EDF1: variants seen among roughly 807,000 people sequenced by gnomAD.
The protein encoded by EDF1 is endothelial differentiation-related factor 1.
EDF1 carries 5 observed loss-of-function variants against 20.8 expected under a neutral mutation model. The observed-to-expected ratio is 0.24, with a 90% CI of 0.13 to 0.51. The LOEUF (loss-of-function observed/expected upper bound fraction) is 0.51. Ranked by LOEUF, EDF1 falls within the 20% of genes least tolerant of loss-of-function variation. The pLI is 0.97. For synonymous variants in EDF1, 96 were observed against 78.5 expected (o/e 1.22, Z -1.18); for missense variants, 137 against 197.8 (o/e 0.69, Z 1.84).
At position 136,863,743 on chromosome 9, in the gene EDF1, G is replaced by A. The variant is rs544989273; in HGVS notation, c.130+77C>T. Reference sequence around the variant, plus strand: ...CTCAGCTGACAACGTCCCCGGGGGCGCCGCACACACCACACCCACCAGCAC... The same window carrying A: ...CTCAGCTGACAACGTCCCCGGGGGCACCGCACACACCACACCCACCAGCAC... On this transcript the variant is annotated intron_variant, in intron 2 of 4. Transcript: ENST00000224073. The surrounding 1 kb of genome is among the most constrained non-coding windows in gnomAD (Gnocchi z 4.5). 513 of 1,558,310 alleles carry A rather than the reference G, an allele frequency of 3.3e-4. 1 individual carries two copies. The African/African-American group carries it at 5.3e-3, about 16-fold the overall frequency.
rs1230868317 is a variant in EDF1, at chr9:136,863,149, G to A, written c.291+139C>T. ...TTTTGTGCGAGAGGCAGTGAGAGCC[G>A]GGCTGACCTGGCTTCCCGAGGCATT... On this transcript the variant is annotated intron_variant, in intron 3 of 4. Coordinates refer to ENST00000224073, the MANE Select transcript of EDF1 (RefSeq NM_003792.4). This position sits in a 1 kb window ranked among gnomAD's most constrained non-coding sequence, Gnocchi z 4.5. 37 of 1,508,212 alleles carry A rather than the reference G, an allele frequency of 2.5e-5. No homozygotes were observed. Among genetic ancestry groups the A allele is most frequent in the South Asian group, 6.0e-5 (5 of 83,250 alleles). 93.4% of individuals were successfully genotyped at this position (1,508,212 alleles called of 1,614,324 possible).
chr9:136,862,139 GT>G lies in EDF1; in HGVS notation c.*144del, dbSNP rs1849110624. 1 of 1,052,756 alleles carries G rather than the reference GT, an allele frequency of 9.5e-7. No homozygotes were observed. The highest frequency in any genetic ancestry group is 1.4e-5 in the South Asian group (1 of 71,056). 65.2% of individuals were successfully genotyped at this position (1,052,756 alleles called of 1,614,324 possible). A position where few individuals can be genotyped will look rare whatever the true frequency, so the allele number is the denominator to read the frequency against. ...CCCAGCGCTTTGCAAGGTTTTGTTTGTTTGACAGCAGGAATGGGCTGGGGAG... is the reference window on the plus strand; with the variant it reads ...CCCAGCGCTTTGCAAGGTTTTGTTTGTTGACAGCAGGAATGGGCTGGGGAG... On this transcript the variant is annotated 3_prime_UTR_variant, in exon 5 of 5. Transcript: ENST00000224073. This position sits in a 1 kb window ranked among gnomAD's most constrained non-coding sequence, Gnocchi z 4.1.
chr9:136,862,694 G>T lies in EDF1; in HGVS notation c.385+212C>A. ...GGGAACTGGCAAGGGGAAGGGACTC[G>T]GACTCCACTTGCTCTTAGGGGTTTC... On this transcript the variant is annotated intron_variant, in intron 4 of 4. Transcript: ENST00000224073. This position sits in a 1 kb window ranked among gnomAD's most constrained non-coding sequence, Gnocchi z 4.1. 6.7e-7 allele frequency: 1 copy of T among 1,499,408 alleles called. No individual in the cohort carries two copies. The highest frequency in any genetic ancestry group is 8.8e-7 in the Non-Finnish European group (1 of 1,131,608). 92.9% of individuals were successfully genotyped at this position (1,499,408 alleles called of 1,614,324 possible). A position where few individuals can be genotyped will look rare whatever the true frequency, so the allele number is the denominator to read the frequency against.
At position 136,863,015 on chromosome 9, in the gene EDF1, G is replaced by A. The variant is rs777089205; in HGVS notation, c.292-16C>T. On this transcript the variant is annotated splice_polypyrimidine_tract_variant and intron_variant, in intron 3 of 4. Coordinates refer to ENST00000224073, the MANE Select transcript of EDF1 (RefSeq NM_003792.4). This position sits in a 1 kb window ranked among gnomAD's most constrained non-coding sequence, Gnocchi z 4.5. ...CATTGATTTTCTAAAGAGAAGATGT[G>A]CTTTATACACATCAGCTCCACTAGG... 3.7e-6 allele frequency: 6 copies of A among 1,613,384 alleles called. No homozygotes were observed. Among genetic ancestry groups the A allele is most frequent in the Middle Eastern group, 1.7e-4 (1 of 5,828 alleles).
intron 1 of EDF1, among the ~76,000 whole-genome samples, chr9:136,864,971 G>GAT (rs1351087379): frequency 6.6e-6 from 1 of 152,192 alleles, no homozygotes; most frequent in Non-Finnish European, 1.5e-5. Flanking sequence ...TCCTAAGTGT[G>GAT]ATCTGCTCAC....
intron 1 of EDF1, among the ~76,000 whole-genome samples, chr9:136,865,243 C>G (rs1164143527): frequency 6.6e-6 from 1 of 152,096 alleles, no homozygotes. Flanking sequence ...AACTGACCCT[C>G]GGATCCATCA....
At chr9:136,866,035 GC>G in intron 1 of EDF1, 145 bp downstream of exon 1, 8 of 554,136 alleles carry the variant, frequency 1.4e-5, no homozygotes, top group East Asian at 4.5e-5. Flanking sequence ...ACCCCGTCCT[GC>G]CCCCGGCACC....
At chr9:136,864,792 T>G (rs1333352766) in intron 1 of EDF1, among the ~76,000 whole-genome samples, 2 of 151,654 alleles carry the variant, frequency 1.3e-5, no homozygotes, top group Non-Finnish European at 2.9e-5. Flanking sequence ...CCTGGCTAAT[T>G]TTTTGTATTT....
At position 136,863,272 on chromosome 9, in the gene EDF1, C is replaced by A; in HGVS notation, c.291+16G>T. The A allele has an allele frequency of 6.2e-7, 1 of 1,607,688 alleles. No homozygotes were observed. The highest frequency in any genetic ancestry group is 8.5e-7 in the Non-Finnish European group (1 of 1,177,704). ...AACCCACAACCCCAGGAGTGAGAGC[C>A]CCGGCGCAGCCTCACCGTGGCCAGG... On this transcript the variant is annotated intron_variant, in intron 3 of 4. Transcript: ENST00000224073. The surrounding 1 kb of genome is among the most constrained non-coding windows in gnomAD (Gnocchi z 4.5).
Position 136,863,857 on chromosome 9 carries a change from T to C in EDF1, c.93A>G (p.Ala31=), listed in dbSNP as rs1414739277. Residue 31 remains alanine, a synonymous_variant, in exon 2 of 5, where the codon GCA becomes GCG. Transcript: ENST00000224073. This position sits in a 1 kb window ranked among gnomAD's most constrained non-coding sequence, Gnocchi z 4.5. ...TCTCCACATCTTCTCCTCGTCTCTG[T>C]GCCGCTAAGATAGCCTAGAAAATTA... is the stretch of plus-strand genomic sequence containing the variant. The part of the protein sequence containing the change: ...QAKSKQAILA[A]QRRGEDVETS... The C allele has an allele frequency of 6.2e-7, 1 of 1,613,968 alleles. No homozygotes were observed. Among genetic ancestry groups the C allele is most frequent in the East Asian group, 2.2e-5 (1 of 44,890 alleles).
At position 136,862,713 on chromosome 9, in the gene EDF1, G is replaced by A. The variant is rs1406723944; in HGVS notation, c.385+193C>T. On this transcript the variant is annotated intron_variant, in intron 4 of 4. Transcript: ENST00000224073. The surrounding 1 kb of genome is among the most constrained non-coding windows in gnomAD (Gnocchi z 4.1). ...GGACTCGGACTCCACTTGCTCTTAGGGGTTTCCTGAGGCCTGCAGAGACCC... is the reference window on the plus strand; with the variant it reads ...GGACTCGGACTCCACTTGCTCTTAGAGGTTTCCTGAGGCCTGCAGAGACCC... 11 of 1,523,492 alleles carry A rather than the reference G, an allele frequency of 7.2e-6. No homozygotes were observed. Among genetic ancestry groups the A allele is most frequent in the Non-Finnish European group, 9.6e-6 (11 of 1,143,998 alleles). The allele number at this position is 1,523,492 out of a possible 1,614,324, so 94.4% of individuals were successfully genotyped here. A position where few individuals can be genotyped will look rare whatever the true frequency, so the allele number is the denominator to read the frequency against.
chr9:136,865,616 C>G (rs1015276455), intron 1 of EDF1, among the ~76,000 whole-genome samples: 1 of 151,562 alleles, frequency 6.6e-6, no homozygotes. Flanking sequence ...CTGCTTGCCC[C>G]AGTCCCCACC....
At position 136,862,854 on chromosome 9, in the gene EDF1, G is replaced by A; in HGVS notation, c.385+52C>T. 3 of 1,612,042 alleles carry A rather than the reference G, an allele frequency of 1.9e-6. No individual in the cohort carries two copies. The highest frequency in any genetic ancestry group is 1.1e-5 in the South Asian group (1 of 91,008). On this transcript the variant is annotated intron_variant, in intron 4 of 4. Transcript: ENST00000224073. The surrounding 1 kb of genome is among the most constrained non-coding windows in gnomAD (Gnocchi z 4.1). ...CCACTCTCACCAACCCCAGCTGGGA[G>A]CGGGTAGCCTCCCTGTTCAGCGGAC...
chr9:136,863,234 A>G lies in EDF1; in HGVS notation c.291+54T>C. ...TCCCCGTGCTATCTGAACACCGGCC[A>G]TCCCCCTCCCCAAACCCACAACCCC... On this transcript the variant is annotated intron_variant, in intron 3 of 4. Coordinates refer to ENST00000224073, the MANE Select transcript of EDF1 (RefSeq NM_003792.4). The surrounding 1 kb of genome is among the most constrained non-coding windows in gnomAD (Gnocchi z 4.5). The G allele has an allele frequency of 6.3e-7, 1 of 1,583,502 alleles. No homozygotes were observed. Among genetic ancestry groups the G allele is most frequent in the Non-Finnish European group, 8.6e-7 (1 of 1,165,852 alleles).
In EDF1 at chr9:136,863,834, TCCA is replaced by T; in HGVS notation, c.113_115del (p.Val38del). ...CAAGTACCTACATTTCTTGGAAGTC[TCCA>T]CATCTTCTCCTCGTCTCTGTGCCGC... On this transcript the variant is annotated inframe_deletion, in exon 2 of 5. Coordinates refer to ENST00000224073, the MANE Select transcript of EDF1 (RefSeq NM_003792.4). This position sits in a 1 kb window ranked among gnomAD's most constrained non-coding sequence, Gnocchi z 4.5. 1 of 1,613,912 alleles carries T rather than the reference TCCA, an allele frequency of 6.2e-7. No individual in the cohort carries two copies. The highest frequency in any genetic ancestry group is 8.5e-7 in the Non-Finnish European group (1 of 1,179,984).
chr9:136,864,616 A>G (rs1212505413), intron 1 of EDF1, among the ~76,000 whole-genome samples: 3 of 151,392 alleles, frequency 2.0e-5, no homozygotes, highest in African/African-American at 7.3e-5. Context: ...ATATTAATAT[A>G]ATGTATTTAT....
Position 136,862,689 on chromosome 9 carries a change from G to A in EDF1, c.385+217C>T. 6.7e-7 allele frequency: 1 copy of A among 1,494,750 alleles called. No individual in the cohort carries two copies. The highest frequency in any genetic ancestry group is 2.4e-5 in the East Asian group (1 of 41,320). The allele number at this position is 1,494,750 out of a possible 1,614,324, so 92.6% of individuals were successfully genotyped here. A position where few individuals can be genotyped will look rare whatever the true frequency, so the allele number is the denominator to read the frequency against. On this transcript the variant is annotated intron_variant, in intron 4 of 4. Coordinates refer to ENST00000224073, the MANE Select transcript of EDF1 (RefSeq NM_003792.4). This position sits in a 1 kb window ranked among gnomAD's most constrained non-coding sequence, Gnocchi z 4.1. Reference sequence around the variant, plus strand: ...CTGACGGGAACTGGCAAGGGGAAGGGACTCGGACTCCACTTGCTCTTAGGG... The same window carrying A: ...CTGACGGGAACTGGCAAGGGGAAGGAACTCGGACTCCACTTGCTCTTAGGG...
chr9:136,862,820 C>G lies in EDF1; in HGVS notation c.385+86G>C. 6.2e-7 allele frequency: 1 copy of G among 1,610,864 alleles called. No individual in the cohort carries two copies. Among genetic ancestry groups the G allele is most frequent in the Non-Finnish European group, 8.5e-7 (1 of 1,179,612 alleles). On this transcript the variant is annotated intron_variant, in intron 4 of 4. Transcript: ENST00000224073. This position sits in a 1 kb window ranked among gnomAD's most constrained non-coding sequence, Gnocchi z 4.1. ...GGGGACCCCCAGGGCCATCTTCTTC[C>G]CCCGAGTCCCACTCTCACCAACCCC...
At position 136,863,054 on chromosome 9, in the gene EDF1, C is replaced by G; in HGVS notation, c.292-55G>C. 1 of 1,607,658 alleles carries G rather than the reference C, an allele frequency of 6.2e-7. No homozygotes were observed. Among genetic ancestry groups the G allele is most frequent in the South Asian group, 1.1e-5 (1 of 90,940 alleles). On this transcript the variant is annotated intron_variant, in intron 3 of 4. Coordinates refer to ENST00000224073, the MANE Select transcript of EDF1 (RefSeq NM_003792.4). The surrounding 1 kb of genome is among the most constrained non-coding windows in gnomAD (Gnocchi z 4.5). ...AGCTCCACTAGGACTGCTGCAAAAC[C>G]AGGCGCGAAGCGTCGCCTGAGAACA...
Sources: gnomAD v4.1 joint callset for allele counts (sites outside exome capture counted in the v4.1 genomes callset) on GRCh38, gnomAD v4.1.1 for gene constraint, Gnocchi (gnomAD v3.1) non-coding constraint, MANE v1.5 for transcripts, NCBI Gene and HGNC (gene_info 2026-07-23, HGNC 2026-07-21) for gene names.